Variants in NKAIN2 observed in about 807,000 individuals in gnomAD.
NKAIN2 encodes the protein sodium/potassium-transporting ATPase subunit beta-1-interacting protein 2.
Under a neutral mutation model 32.6 loss-of-function variants are expected in NKAIN2, and 14 were observed. The observed-to-expected ratio is 0.43, with a 90% CI of 0.28 to 0.67. The LOEUF (loss-of-function observed/expected upper bound fraction) is 0.67, where lower values mean the gene tolerates loss of function less well. Among genes scored for constraint, NKAIN2 ranks in the 30% least tolerant of loss-of-function variants. The pLI is 0.17. For synonymous variants in NKAIN2, 80 were observed against 87.2 expected (o/e 0.92, Z 0.46); for missense variants, 198 against 258.3 (o/e 0.77, Z 1.60).
intron 1 of NKAIN2, among the ~76,000 whole-genome samples, chr6:124,145,524 G>A (rs1262673785): frequency 6.6e-6 from 1 of 150,664 alleles, no homozygotes; most frequent in African/African-American, 2.5e-5. Flanking sequence ...TTTTTGTTTT[G>A]AGACAGAGTC....
chr6:124,470,927 C>A (rs1776947224), intron 3 of NKAIN2, among the ~76,000 whole-genome samples: 1 of 152,238 alleles, frequency 6.6e-6, no homozygotes, highest in Admixed American at 6.5e-5. Flanking sequence ...TGAACTACAG[C>A]TTAAGGGTCA....
chr6:124,210,787 T>C (rs1426958712), intron 1 of NKAIN2, among the ~76,000 whole-genome samples: 2 of 151,910 alleles, frequency 1.3e-5, no homozygotes, highest in African/African-American at 4.8e-5. Context: ...TTTTTGAATG[T>C]TGATATTGTG....
intron 1 of NKAIN2, among the ~76,000 whole-genome samples, chr6:123,938,512 T>A (rs943840513): frequency 7.3e-6 from 1 of 137,418 alleles, no homozygotes; most frequent in Non-Finnish European, 1.6e-5. Context: ...TATAATATAT[T>A]ATATATATTT....
At chr6:124,156,465 A>G (rs1046327447) in intron 1 of NKAIN2, among the ~76,000 whole-genome samples, 3 of 152,104 alleles carry the variant, frequency 2.0e-5, no homozygotes, top group Admixed American at 6.6e-5. Context: ...AGTCAGTCAT[A>G]TAGCCATCTG....
chr6:123,889,657 T>C (rs1253525845), intron 1 of NKAIN2, among the ~76,000 whole-genome samples: 1 of 152,148 alleles, frequency 6.6e-6, no homozygotes, highest in African/African-American at 2.4e-5. Context: ...AGGCCTTTTG[T>C]TGAAGTAATA....
intron 3 of NKAIN2, among the ~76,000 whole-genome samples, chr6:124,359,000 G>A (rs1377044012): frequency 4.0e-5 from 6 of 151,452 alleles, no homozygotes; most frequent in African/African-American, 1.2e-4. Context: ...TGGCTAGCCA[G>A]TTTTCCCAGC....
intron 1 of NKAIN2, among the ~76,000 whole-genome samples, chr6:123,985,446 T>A (rs949893248): frequency 4.6e-5 from 7 of 152,036 alleles, no homozygotes; most frequent in African/African-American, 1.7e-4. Flanking sequence ...CAAACAAAAA[T>A]CAATTCTATA....
chr6:124,731,074 A>G (rs1303785778), intron 4 of NKAIN2, among the ~76,000 whole-genome samples: 1 of 143,954 alleles, frequency 6.9e-6, no homozygotes, highest in Non-Finnish European at 1.5e-5. Flanking sequence ...GGTGCTGGAG[A>G]GGATGTGGAG....
chr6:123,835,075 T>G (rs1774558968), intron 1 of NKAIN2, among the ~76,000 whole-genome samples: 1 of 152,194 alleles, frequency 6.6e-6, no homozygotes, highest in South Asian at 2.1e-4. Context: ...TTCTAGCCTT[T>G]TAGAAGGAAT....
At chr6:124,723,859 G>A (rs989358571) in intron 4 of NKAIN2, among the ~76,000 whole-genome samples, 4 of 152,004 alleles carry the variant, frequency 2.6e-5, no homozygotes, top group Non-Finnish European at 5.9e-5. Context: ...CAAAATGCTG[G>A]GCATCTTTCC....
chr6:124,194,996 CTTT>C (rs11312469), intron 1 of NKAIN2, among the ~76,000 whole-genome samples: 10 of 143,732 alleles, frequency 7.0e-5, no homozygotes, highest in Admixed American at 1.4e-4. Flanking sequence ...ATATTATTGG[CTTT>C]TTTTTTTTTT....
chr6:124,161,342 A>G (rs1253819962), intron 1 of NKAIN2, among the ~76,000 whole-genome samples: 1 of 152,124 alleles, frequency 6.6e-6, no homozygotes, highest in African/African-American at 2.4e-5. Context: ...GCACCAAGGT[A>G]TAAATCTGCC....
intron 3 of NKAIN2, among the ~76,000 whole-genome samples, chr6:124,525,026 A>G (rs1232107482): frequency 6.6e-6 from 1 of 152,220 alleles, no homozygotes; most frequent in Admixed American, 6.5e-5. Flanking sequence ...GAACTGCAGT[A>G]AAGCGATACA....
At chr6:124,510,585 A>C (rs1778673298) in intron 3 of NKAIN2, among the ~76,000 whole-genome samples, 1 of 152,160 alleles carries the variant, frequency 6.6e-6, no homozygotes, top group Non-Finnish European at 1.5e-5. Flanking sequence ...TTACAGTTGA[A>C]AGGCCTGTAT....
chr6:124,726,204 C>T (rs1230533066), intron 4 of NKAIN2, among the ~76,000 whole-genome samples: 1 of 152,210 alleles, frequency 6.6e-6, no homozygotes, highest in Non-Finnish European at 1.5e-5. Context: ...GCGGAGCCCA[C>T]CACAGCTCAA....
At chr6:123,813,447 G>GT (rs1482978131) in intron 1 of NKAIN2, among the ~76,000 whole-genome samples, 4 of 152,176 alleles carry the variant, frequency 2.6e-5, no homozygotes, top group Non-Finnish European at 1.5e-5. Context: ...TGATATTAGG[G>GT]TTTGTGGATA....
intron 1 of NKAIN2, among the ~76,000 whole-genome samples, chr6:124,078,553 T>C (rs1783802809): frequency 6.6e-6 from 1 of 152,186 alleles, no homozygotes; most frequent in African/African-American, 2.4e-5. Context: ...AGAATTTGAA[T>C]GCAGGCAGTG....
chr6:124,825,179 A>G lies in NKAIN2; in HGVS notation c.*1950A>G, dbSNP rs1365036977. On this transcript the variant is annotated 3_prime_UTR_variant, in exon 7 of 7. Coordinates refer to ENST00000368417, the MANE Select transcript of NKAIN2 (RefSeq NM_001040214.3). ...TAATGTGACTTTTAATGTGACTATT[A>G]AAAATGAGGTTTCACTGTACATTCA... The G allele has an allele frequency of 2.6e-5, 4 of 152,668 alleles. No individual in the cohort carries two copies. Among genetic ancestry groups the G allele is most frequent in the Non-Finnish European group, 4.4e-5 (3 of 68,034 alleles). 9.5% of individuals were successfully genotyped at this position (152,668 alleles called of 1,614,324 possible).
In NKAIN2 at chr6:123,952,236, T is replaced by A. The variant is rs1292757810; in HGVS notation, c.54+147982T>A. ...TATATCATCTCATTCTCTCCTGGCC[T>A]GTAGAATTTCTGCTGAGAAATCCCC... On this transcript the variant is annotated intron_variant, in intron 1 of 6. Transcript: ENST00000368417. Among the ~76,000 whole-genome samples the A allele has an allele frequency of 2.0e-5, 3 of 152,174 alleles. No homozygotes were observed. In the East Asian group the frequency reaches 5.8e-4, roughly 29 times the overall value.
Sources: allele counts gnomAD v4.1 joint callset (sites outside exome capture counted in the v4.1 genomes callset), GRCh38; gene constraint gnomAD v4.1.1; transcripts MANE v1.5; gene names NCBI Gene and HGNC (gene_info 2026-07-23, HGNC 2026-07-21).